Variants in NRXN1 observed in about 807,000 individuals in gnomAD.
NRXN1 encodes the protein neurexin-1.
A neutral mutation model predicts 150.9 loss-of-function variants in NRXN1; 39 were observed. The ratio of observed to expected loss-of-function variants is 0.26; its 90% CI spans 0.20 to 0.34. The LOEUF (loss-of-function observed/expected upper bound fraction) is 0.34. Among genes scored for constraint, NRXN1 ranks in the 10% least tolerant of loss-of-function variants. NRXN1 has a pLI of 1.00. For missense variants in NRXN1, 1,815 were observed against 1,949.9 expected, an observed-to-expected ratio of 0.93 and a Z score of 1.30; for synonymous variants, 924 against 757.0, an observed-to-expected ratio of 1.22 and a Z score of -3.62.
chr2:50,502,558 G>A (rs182929595), intron 13 of NRXN1, among the ~76,000 whole-genome samples: 1 of 152,176 alleles, frequency 6.6e-6, no homozygotes, highest in East Asian at 1.9e-4. Context: ...AGTGGTACGG[G>A]AAAAGCAATT....
chr2:50,785,319 G>A (rs1405449754), intron 5 of NRXN1, among the ~76,000 whole-genome samples: 1 of 140,726 alleles, frequency 7.1e-6, no homozygotes, highest in Non-Finnish European at 1.5e-5. Context: ...CACAATCTCA[G>A]CTCACTGCAA....
At chr2:50,770,145 A>T (rs1702834931) in intron 5 of NRXN1, among the ~76,000 whole-genome samples, 1 of 152,118 alleles carries the variant, frequency 6.6e-6, no homozygotes, top group African/African-American at 2.4e-5. Flanking sequence ...GGGAAATAAC[A>T]TTATAATAAT....
At position 50,830,006 on chromosome 2, in the gene NRXN1, A is replaced by G. The variant is rs1427549556; in HGVS notation, c.832+91863T>C. ...AAAGAATACTGCCTGCTGGAAAAAA[A>G]AAAAAAAAAAAAAAAAAAAAAAAAG... On this transcript the variant is annotated intron_variant, in intron 5 of 22. Transcript: ENST00000401669. Among the ~76,000 whole-genome samples, 31 of 56,910 alleles carry G rather than the reference A, an allele frequency of 5.4e-4. 1 individual carries two copies. The highest frequency in any genetic ancestry group is 4.8e-3 in the East Asian group (19 of 3,948). 37.3% of individuals were successfully genotyped at this position (56,910 alleles called of 152,430 possible). A position where few individuals can be genotyped will look rare whatever the true frequency, so the allele number is the denominator to read the frequency against.
chr2:50,246,265 C>T (rs144764758), intron 17 of NRXN1, among the ~76,000 whole-genome samples: 1 of 152,020 alleles, frequency 6.6e-6, no homozygotes, highest in African/African-American at 2.4e-5. Flanking sequence ...CTTATTTTTA[C>T]CACAGTCACT....
chr2:50,941,577 G>A (rs975072559), intron 2 of NRXN1, among the ~76,000 whole-genome samples: 1 of 152,158 alleles, frequency 6.6e-6, no homozygotes, highest in Non-Finnish European at 1.5e-5. Context: ...GGAGACTGGT[G>A]GCATTTTTCT....
intron 17 of NRXN1, among the ~76,000 whole-genome samples, chr2:50,377,236 A>C (rs374422944): frequency 9.2e-5 from 14 of 151,986 alleles, no homozygotes; most frequent in South Asian, 4.1e-4. Flanking sequence ...ATTTATCGTG[A>C]TGCTCTCCCT....
chr2:50,806,619 C>A (rs1050842394), intron 5 of NRXN1, among the ~76,000 whole-genome samples: 2 of 152,132 alleles, frequency 1.3e-5, no homozygotes, highest in African/African-American at 4.8e-5. Flanking sequence ...TATGGTCACA[C>A]TGACCAAGCT....
chr2:50,179,741 C>T (rs1245383955), intron 18 of NRXN1, among the ~76,000 whole-genome samples: 1 of 152,028 alleles, frequency 6.6e-6, no homozygotes. Flanking sequence ...GTGTAACACA[C>T]ATTATAATTT....
intron 5 of NRXN1, among the ~76,000 whole-genome samples, chr2:50,874,944 A>G (rs977125069): frequency 1.3e-5 from 2 of 151,872 alleles, no homozygotes; most frequent in Non-Finnish European, 2.9e-5. Context: ...TAAAACTGGT[A>G]GAACCACAAT....
At chr2:50,608,080 C>T (rs567646871) in intron 8 of NRXN1, among the ~76,000 whole-genome samples, 1 of 151,998 alleles carries the variant, frequency 6.6e-6, no homozygotes, top group African/African-American at 2.4e-5. Context: ...GATCTTGACA[C>T]CGAGATGCTG....
intron 12 of NRXN1, among the ~76,000 whole-genome samples, chr2:50,520,797 T>C (rs1390486032): frequency 6.6e-6 from 1 of 152,070 alleles, no homozygotes; most frequent in Non-Finnish European, 1.5e-5. Context: ...TCTAACTCCA[T>C]ATTTATCTGC....
intron 5 of NRXN1, among the ~76,000 whole-genome samples, chr2:50,641,670 C>T (rs527329279): frequency 1.1e-4 from 16 of 152,084 alleles, no homozygotes; most frequent in East Asian, 3.9e-4. Flanking sequence ...TAGGGCAAAG[C>T]GGTTTTGAGG....
At chr2:50,255,558 T>C (rs1323633821) in intron 17 of NRXN1, among the ~76,000 whole-genome samples, 4 of 152,102 alleles carry the variant, frequency 2.6e-5, no homozygotes, top group Admixed American at 6.6e-5. Context: ...AGGTCCCCAA[T>C]CTCAAAATAA....
chr2:50,143,801 C>T (rs1475956532), intron 18 of NRXN1, among the ~76,000 whole-genome samples: 2 of 151,818 alleles, frequency 1.3e-5, no homozygotes, highest in African/African-American at 4.8e-5. Context: ...CTTTAGGGTG[C>T]ACAATGTTTG....
At chr2:50,709,167 G>T (rs1213384368) in intron 5 of NRXN1, among the ~76,000 whole-genome samples, 2 of 152,096 alleles carry the variant, frequency 1.3e-5, no homozygotes, top group Non-Finnish European at 2.9e-5. Flanking sequence ...TACTTGTTGA[G>T]GAATGAGCTT....
intron 17 of NRXN1, among the ~76,000 whole-genome samples, chr2:50,363,882 C>T (rs575753646): frequency 1.3e-5 from 2 of 152,280 alleles, no homozygotes; most frequent in South Asian, 2.1e-4. Context: ...AAAATGTGCA[C>T]ATATACACCA....
chr2:50,561,020 A>G (rs1039433220), intron 8 of NRXN1, among the ~76,000 whole-genome samples: 9 of 152,238 alleles, frequency 5.9e-5, no homozygotes, highest in Non-Finnish European at 1.3e-4. Context: ...TTGTTTACAC[A>G]ACAAAGAGAA....
chr2:50,712,875 G>A (rs1695360152), intron 5 of NRXN1, among the ~76,000 whole-genome samples: 1 of 152,186 alleles, frequency 6.6e-6, no homozygotes, highest in Admixed American at 6.5e-5. Context: ...CTCTGGGAAA[G>A]GTGTGTAATT....
chr2:50,547,934 T>C (rs2093530423), intron 9 of NRXN1, among the ~76,000 whole-genome samples: 1 of 152,124 alleles, frequency 6.6e-6, no homozygotes, highest in South Asian at 2.1e-4. Context: ...TTTCCCCATG[T>C]CTCAGATTGG....
Sources: gnomAD v4.1 joint callset for allele counts (sites outside exome capture counted in the v4.1 genomes callset) on GRCh38, gnomAD v4.1.1 for gene constraint, MANE v1.5 for transcripts, NCBI Gene and HGNC (gene_info 2026-07-23, HGNC 2026-07-21) for gene names.